Variants in SYPL1 observed in about 807,000 individuals in gnomAD.
SYPL1 encodes the protein synaptophysin-like protein 1.
In SYPL1, 6 loss-of-function variants were observed where a neutral mutation model predicts 23.7. The observed-to-expected ratio is 0.25, with a 90% CI of 0.14 to 0.50. SYPL1 has a LOEUF of 0.50. SYPL1 is among the 20% of genes least tolerant of loss of function. The probability of loss-of-function intolerance (pLI) is 0.98; values close to 1 mark genes in which losing one functional copy is unlikely to be tolerated. For missense variants in SYPL1, 253 were observed against 288.9 expected (o/e 0.88, Z 0.90); for synonymous variants, 102 against 104.5 (o/e 0.98, Z 0.15).
Position 106,095,063 on chromosome 7 carries a change from T to C in SYPL1, c.403-1926A>G, listed in dbSNP as rs968217167. ...AATTCACAATATGAGTCATAGATTT[T>C]TAGAATTTGGGATACCCTAATTTTG... On this transcript the variant is annotated intron_variant, in intron 3 of 4. Coordinates refer to ENST00000455385, the MANE Select transcript of SYPL1 (RefSeq NM_182715.4). This position sits in a 1 kb window ranked among gnomAD's most constrained non-coding sequence, Gnocchi z 4.3. Among the ~76,000 whole-genome samples, 4 of 152,156 alleles carry C rather than the reference T, an allele frequency of 2.6e-5. No homozygotes were observed. The highest frequency in any genetic ancestry group is 9.7e-5 in the African/African-American group (4 of 41,438).
At chr7:106,112,329 G>A, upstream of SYPL1, 2 of 1,253,938 alleles carry the variant, frequency 1.6e-6, no homozygotes, top group Non-Finnish European at 2.0e-6. Flanking sequence ...CGGGCTCGGA[G>A]GCGGGCCCGG....
Position 106,112,241 on chromosome 7 carries a change from C to A in SYPL1, c.-33G>T. 6.6e-7 allele frequency: 1 copy of A among 1,523,480 alleles called. No individual in the cohort carries two copies. The allele number at this position is 1,523,480 out of a possible 1,614,324, so 94.4% of individuals were successfully genotyped here. A position where few individuals can be genotyped will look rare whatever the true frequency, so the allele number is the denominator to read the frequency against. On this transcript the variant is annotated 5_prime_UTR_variant, in exon 1 of 5. Coordinates refer to ENST00000455385, the MANE Select transcript of SYPL1 (RefSeq NM_182715.4). ...GGAAAGGAGGGAGAGAGAGTCAGGA[C>A]GACGGGGCGGAGGAGGGGACCGACG...
intron 1 of SYPL1, among the ~76,000 whole-genome samples, chr7:106,105,899 T>A (rs1011853927): frequency 6.6e-6 from 1 of 152,170 alleles, no homozygotes; most frequent in Non-Finnish European, 1.5e-5. Flanking sequence ...TTTAACCAAA[T>A]CAACCTTCAC....
Position 106,112,234 on chromosome 7 carries a change from G to C in SYPL1, c.-26C>G. 1 of 1,528,654 alleles carries C rather than the reference G, an allele frequency of 6.5e-7. No homozygotes were observed. The highest frequency in any genetic ancestry group is 1.2e-5 in the South Asian group (1 of 83,398). The allele number at this position is 1,528,654 out of a possible 1,614,324, so 94.7% of individuals were successfully genotyped here. A position where few individuals can be genotyped will look rare whatever the true frequency, so the allele number is the denominator to read the frequency against. On this transcript the variant is annotated 5_prime_UTR_variant, in exon 1 of 5. Coordinates refer to ENST00000455385, the MANE Select transcript of SYPL1 (RefSeq NM_182715.4). ...CCTCTGAGGAAAGGAGGGAGAGAGA[G>C]TCAGGACGACGGGGCGGAGGAGGGG...
chr7:106,107,853 C>T (rs1840688353), intron 1 of SYPL1, among the ~76,000 whole-genome samples: 1 of 151,808 alleles, frequency 6.6e-6, no homozygotes, highest in Admixed American at 6.6e-5. Context: ...GTTGAAAACA[C>T]ATTTATGTCA....
Position 106,099,174 on chromosome 7 carries a change from A to G in SYPL1, c.178T>C (p.Phe60Leu), listed in dbSNP as rs760093970. 21 of 1,611,708 alleles carry G rather than the reference A, an allele frequency of 1.3e-5. No homozygotes were observed. The South Asian group carries it at 1.9e-4, about 14-fold the overall frequency. The change falls in exon 2 of 5, where the codon TTT becomes CTT. Residue 60 changes from phenylalanine to leucine, a missense_variant. Physicochemically the swap from Phe to Leu is conservative, Grantham distance 22 (BLOSUM62 0). Transcript: ENST00000455385. ...ATAACTCACCTGAATGGATAACCAA[A>G]AGTAGCTGTAACAGTTTTATTCTCA... ...VTENKTVTAT[F>L]GYPFRLNEAS...
At chr7:106,102,250 C>A (rs1252320929) in intron 1 of SYPL1, among the ~76,000 whole-genome samples, 1 of 152,118 alleles carries the variant, frequency 6.6e-6, no homozygotes, top group Admixed American at 6.5e-5. Context: ...TGCCTGCCAC[C>A]ATGCCCGGCT....
chr7:106,097,831 G>A lies in SYPL1; in HGVS notation c.261C>T (p.Tyr87=), dbSNP rs34555589. The change falls in exon 3 of 5, where the codon TAC becomes TAT. Residue 87 remains tyrosine, a synonymous_variant. Transcript: ENST00000455385. This position sits in a 1 kb window ranked among gnomAD's most constrained non-coding sequence, Gnocchi z 4.6. Reference sequence around the variant, plus strand: ...AAGAAGAGTAATCGCCTATGAGGACGTAATCTTTCCAATTTACATCACATA... The same window carrying A: ...AAGAAGAGTAATCGCCTATGAGGACATAATCTTTCCAATTTACATCACATA... The part of the protein sequence containing the change: ...VNICDVNWKD[Y]VLIGDYSSSA... 6.5e-5 allele frequency: 105 copies of A among 1,614,002 alleles called. No individual in the cohort carries two copies. In the African/African-American group the frequency reaches 1.3e-3, roughly 19 times the overall value.
chr7:106,097,625 T>C lies in SYPL1; in HGVS notation c.402+65A>G. 1 of 1,401,238 alleles carries C rather than the reference T, an allele frequency of 7.1e-7. No homozygotes were observed. Among genetic ancestry groups the C allele is most frequent in the East Asian group, 2.5e-5 (1 of 39,874 alleles). The allele number at this position is 1,401,238 out of a possible 1,614,324, so 86.8% of individuals were successfully genotyped here. A position where few individuals can be genotyped will look rare whatever the true frequency, so the allele number is the denominator to read the frequency against. On this transcript the variant is annotated intron_variant, in intron 3 of 4. Transcript: ENST00000455385. This position sits in a 1 kb window ranked among gnomAD's most constrained non-coding sequence, Gnocchi z 4.6. ...ACACCAAGAATTTTTATTTCCAGTA[T>C]AAGAAAATCTATATTTAGCTTATAC...
At chr7:106,103,209 C>G (rs578024241) in intron 1 of SYPL1, among the ~76,000 whole-genome samples, 1 of 152,090 alleles carries the variant, frequency 6.6e-6, no homozygotes, top group South Asian at 2.1e-4. Flanking sequence ...GGAAGTTATA[C>G]GGCAAAAAAG....
chr7:106,098,610 A>C (rs1011771468), intron 2 of SYPL1, among the ~76,000 whole-genome samples: 5 of 152,238 alleles, frequency 3.3e-5, no homozygotes, highest in African/African-American at 1.2e-4. Flanking sequence ...GGACATATTC[A>C]ATAAACTTTT....
chr7:106,104,223 A>T lies in SYPL1; in HGVS notation c.70-4941T>A, dbSNP rs149553434. 6.6e-6 allele frequency among the ~76,000 whole-genome samples: 1 copy of T among 152,182 alleles called. No homozygotes were observed. The highest frequency in any genetic ancestry group is 1.5e-5 in the Non-Finnish European group (1 of 68,022). On this transcript the variant is annotated intron_variant, in intron 1 of 4. Coordinates refer to ENST00000455385, the MANE Select transcript of SYPL1 (RefSeq NM_182715.4). This position sits in a 1 kb window ranked among gnomAD's most constrained non-coding sequence, Gnocchi z 4.1. ...ATTATATATGAACTCTACTATAGGC[A>T]TTTTTCTTGTGTAACTTGCTTTCTA...
At chr7:106,094,685 G>T (rs176487) in intron 3 of SYPL1, among the ~76,000 whole-genome samples, 1 of 151,986 alleles carries the variant, frequency 6.6e-6, no homozygotes, top group African/African-American at 2.4e-5. Flanking sequence ...AGGTTATATC[G>T]CATGTTAAAT....
At chr7:106,092,037 T>A in intron 4 of SYPL1, 98 bp from the exon 5 acceptor site, 1 of 1,200,124 alleles carries the variant, frequency 8.3e-7, no homozygotes, top group Non-Finnish European at 1.1e-6. Flanking sequence ...ATTTAACATT[T>A]TTAGGAAGTA....
rs1203987871 is a variant in SYPL1, at chr7:106,097,878, G to T, written c.214C>A (p.Gln72Lys). Residue 72 changes from glutamine (Q) to lysine (K), a missense_variant, in exon 3 of 5, where the codon CAG (glutamine) becomes AAG (lysine). Coordinates refer to ENST00000455385, the MANE Select transcript of SYPL1 (RefSeq NM_182715.4). This position sits in a 1 kb window ranked among gnomAD's most constrained non-coding sequence, Gnocchi z 4.6. ...YPFRLNEASF[Q>K]PPPGVNICDV... Reference sequence around the variant, plus strand: ...CATATGTTTACACCTGGAGGTGGCTGAAATGATGCCTCATTCAACCTATTA... The same window carrying T: ...CATATGTTTACACCTGGAGGTGGCTTAAATGATGCCTCATTCAACCTATTA... 1.9e-6 allele frequency: 3 copies of T among 1,612,198 alleles called. No homozygotes were observed. Among genetic ancestry groups the T allele is most frequent in the Non-Finnish European group, 1.7e-6 (2 of 1,178,756 alleles).
rs1031161519 is a variant in SYPL1, at chr7:106,095,403, A to G, written c.403-2266T>C. Among the ~76,000 whole-genome samples the G allele has an allele frequency of 2.6e-5, 4 of 151,350 alleles. No individual in the cohort carries two copies. Among genetic ancestry groups the G allele is most frequent in the Non-Finnish European group, 5.9e-5 (4 of 67,928 alleles). ...CTTGCTCTGTCACCTAGGCTGGAAT[A>G]CAGTGGTGTGATCTTGGCTCACTGT... On this transcript the variant is annotated intron_variant, in intron 3 of 4. Coordinates refer to ENST00000455385, the MANE Select transcript of SYPL1 (RefSeq NM_182715.4). This position sits in a 1 kb window ranked among gnomAD's most constrained non-coding sequence, Gnocchi z 4.3.
At position 106,095,588 on chromosome 7, in the gene SYPL1, G is replaced by A. The variant is rs1192695881; in HGVS notation, c.402+2102C>T. 1.3e-5 allele frequency among the ~76,000 whole-genome samples: 2 copies of A among 152,128 alleles called. No individual in the cohort carries two copies. Among genetic ancestry groups the A allele is most frequent in the Admixed American group, 6.5e-5 (1 of 15,272 alleles). On this transcript the variant is annotated intron_variant, in intron 3 of 4. Transcript: ENST00000455385. The surrounding 1 kb of genome is among the most constrained non-coding windows in gnomAD (Gnocchi z 4.3). ...GGTCTCGAACTCCTGACCTCCTGGAGTGATCCACCCACCTCGGCCTCCCAA... is the reference window on the plus strand; with the variant it reads ...GGTCTCGAACTCCTGACCTCCTGGAATGATCCACCCACCTCGGCCTCCCAA...
chr7:106,107,080 A>G (rs1190761934), intron 1 of SYPL1, among the ~76,000 whole-genome samples: 1 of 152,234 alleles, frequency 6.6e-6, no homozygotes, highest in African/African-American at 2.4e-5. Context: ...GATAACTGAA[A>G]TCTTCAAAAA....
In SYPL1 at chr7:106,109,656, T is replaced by C. The variant is rs74926939; in HGVS notation, c.69+2484A>G. 6.3e-4 allele frequency among the ~76,000 whole-genome samples: 96 copies of C among 152,302 alleles called. No individual in the cohort carries two copies. The East Asian group carries it at 0.013, about 21-fold the overall frequency. ...CACAAACTCAATACATCTGAAACCT[T>C]TGACTTCCCATAAAATCTGCTCCTC... On this transcript the variant is annotated intron_variant, in intron 1 of 4. Transcript: ENST00000455385. The surrounding 1 kb of genome is among the most constrained non-coding windows in gnomAD (Gnocchi z 4.3).
Sources: allele counts gnomAD v4.1 joint callset (sites outside exome capture counted in the v4.1 genomes callset), GRCh38; gene constraint gnomAD v4.1.1; non-coding constraint Gnocchi (gnomAD v3.1); transcripts MANE v1.5; gene names NCBI Gene and HGNC (gene_info 2026-07-23, HGNC 2026-07-21).